RNLS: variants seen among roughly 807,000 people sequenced by gnomAD.
RNLS encodes renalase.
A neutral mutation model predicts 39.8 loss-of-function variants in RNLS; 39 were observed. That is an observed-to-expected ratio of 0.98 (90% CI 0.76 to 1.28). The LOEUF (loss-of-function observed/expected upper bound fraction) is 1.28. RNLS is among the 50% of genes most tolerant of loss of function. The pLI is 0.00. For missense variants in RNLS, 410 were observed against 413.3 expected, an observed-to-expected ratio of 0.99 and a Z score of 0.07; for synonymous variants, 147 against 150.7, an observed-to-expected ratio of 0.98 and a Z score of 0.18.
chr10:88,387,502 C>CAAAAAAAAAAAAAAAAAAAAAAAGA (rs5786817), intron 4 of RNLS, among the ~76,000 whole-genome samples: 1 of 70,110 alleles, frequency 1.4e-5, no homozygotes, highest in Non-Finnish European at 2.6e-5. Flanking sequence ...GAGAACAGAG[C>CAAAAAAAAAAAAAAAAAAAAAAAGA]AAAAAAAAAA....
At chr10:88,235,700 C>T in the RNLS span, among the ~76,000 whole-genome samples, 1 of 152,056 alleles carries the variant, frequency 6.6e-6, no homozygotes, top group Admixed American at 6.6e-5. Flanking sequence ...CCATTTTTGT[C>T]ATTGTATGTA....
the RNLS span, among the ~76,000 whole-genome samples, chr10:88,235,501 A>G: frequency 1.3e-5 from 2 of 152,244 alleles, no homozygotes; most frequent in Non-Finnish European, 2.9e-5. Context: ...TACATGTAAT[A>G]TATTACTCAA....
the RNLS span, among the ~76,000 whole-genome samples, chr10:88,206,938 T>C: frequency 1.2e-4 from 19 of 152,264 alleles, no homozygotes; most frequent in South Asian, 3.5e-3. Flanking sequence ...AAATTAGGGA[T>C]ACATGGGACA....
At chr10:88,534,043 A>G (rs1319237982) in intron 4 of RNLS, among the ~76,000 whole-genome samples, 1 of 152,094 alleles carries the variant, frequency 6.6e-6, no homozygotes, top group South Asian at 2.1e-4. Context: ...AGTTAGAAGT[A>G]GAACAAGGAG....
At chr10:88,462,502 T>C (rs972785590) in intron 4 of RNLS, among the ~76,000 whole-genome samples, 4 of 152,024 alleles carry the variant, frequency 2.6e-5, no homozygotes, top group African/African-American at 9.7e-5. Context: ...AAGCATTATG[T>C]CCAGGATTCT....
At chr10:88,419,709 A>C (rs953130489) in intron 4 of RNLS, among the ~76,000 whole-genome samples, 1 of 152,152 alleles carries the variant, frequency 6.6e-6, no homozygotes, top group Non-Finnish European at 1.5e-5. Flanking sequence ...AAGACACTTA[A>C]TAAAAAAGGC....
At chr10:88,514,678 T>C (rs573982092) in intron 4 of RNLS, among the ~76,000 whole-genome samples, 14 of 152,122 alleles carry the variant, frequency 9.2e-5, no homozygotes, top group Non-Finnish European at 1.9e-4. Context: ...TGTCCTTTTA[T>C]GGCATGCTTA....
intron 4 of RNLS, among the ~76,000 whole-genome samples, chr10:88,473,924 T>C (rs1843676200): frequency 6.6e-6 from 1 of 152,192 alleles, no homozygotes; most frequent in East Asian, 1.9e-4. Flanking sequence ...TGGTTGTCAG[T>C]GCAGAAGACA....
the RNLS span, among the ~76,000 whole-genome samples, chr10:88,195,469 A>G: frequency 2.0e-5 from 3 of 152,156 alleles, no homozygotes; most frequent in African/African-American, 7.2e-5. Context: ...TGCTGGGCAC[A>G]CCATGGGAGA....
chr10:88,181,762 A>G, the RNLS span, among the ~76,000 whole-genome samples: 8 of 152,128 alleles, frequency 5.3e-5, no homozygotes, highest in Admixed American at 2.6e-4. Flanking sequence ...AAAGGCCATC[A>G]TTCTTTTCTT....
chr10:88,389,640 T>G (rs980518670), intron 4 of RNLS, among the ~76,000 whole-genome samples: 5 of 151,908 alleles, frequency 3.3e-5, no homozygotes, highest in Admixed American at 6.6e-5. Flanking sequence ...TTTACCATGG[T>G]GCCCTCTGGT....
chr10:88,454,847 T>G (rs1842543017), intron 4 of RNLS, among the ~76,000 whole-genome samples: 1 of 152,208 alleles, frequency 6.6e-6, no homozygotes, highest in East Asian at 1.9e-4. Context: ...GATTCCTGCC[T>G]ATTCCCCTAA....
At position 88,452,415 on chromosome 10, in the gene RNLS, G is replaced by C. The variant is rs1053415809; in HGVS notation, c.527-89690C>G. ...TTCTGGCTTGACAGAGTAATAAAAT[G>C]GTCTGTTGAATGTACAGTTTGAGGT... On this transcript the variant is annotated intron_variant, in intron 4 of 6. Transcript: ENST00000331772. Among the ~76,000 whole-genome samples, 7 of 152,214 alleles carry C rather than the reference G, an allele frequency of 4.6e-5. 1 individual carries two copies. The highest frequency in any genetic ancestry group is 4.6e-4 in the Admixed American group (7 of 15,298).
chr10:88,241,020 G>T, the RNLS span, among the ~76,000 whole-genome samples: 3 of 149,598 alleles, frequency 2.0e-5, no homozygotes, highest in Non-Finnish European at 4.4e-5. Flanking sequence ...ATTCTTACAT[G>T]AAATGTAAGA....
chr10:88,424,122 G>A (rs1393800382), intron 4 of RNLS, among the ~76,000 whole-genome samples: 1 of 152,104 alleles, frequency 6.6e-6, no homozygotes, highest in East Asian at 1.9e-4. Context: ...TGTCTACTTT[G>A]TTAACTCTCT....
the RNLS span, among the ~76,000 whole-genome samples, chr10:88,223,469 T>C: frequency 6.6e-6 from 1 of 152,136 alleles, no homozygotes; most frequent in Non-Finnish European, 1.5e-5. Context: ...ATGAAACGTA[T>C]AAAGGACAGT....
intron 4 of RNLS, among the ~76,000 whole-genome samples, chr10:88,425,209 C>T (rs1246990725): frequency 6.6e-6 from 1 of 152,058 alleles, no homozygotes; most frequent in Non-Finnish European, 1.5e-5. Context: ...GGCAGAGATG[C>T]ATTAGTTGTC....
intron 5 of RNLS, among the ~76,000 whole-genome samples, chr10:88,318,887 C>A (rs1415388250): frequency 6.6e-6 from 1 of 152,196 alleles, no homozygotes; most frequent in Non-Finnish European, 1.5e-5. Flanking sequence ...CATGCTCCAA[C>A]AAAATCTCCT....
At chr10:88,302,179 C>T (rs906080535) in intron 6 of RNLS, among the ~76,000 whole-genome samples, 2 of 152,180 alleles carry the variant, frequency 1.3e-5, no homozygotes, top group African/African-American at 4.8e-5. Flanking sequence ...TTTGAAATGA[C>T]TCTGCATTAT....
Sources: gnomAD v4.1 joint callset for allele counts (sites outside exome capture counted in the v4.1 genomes callset) on GRCh38, gnomAD v4.1.1 for gene constraint, MANE v1.5 for transcripts, NCBI Gene and HGNC (gene_info 2026-07-23, HGNC 2026-07-21) for gene names.